Variants in HIVEP3 observed in about 807,000 individuals in gnomAD.
The protein encoded by HIVEP3 is HIVEP zinc finger 3.
A neutral mutation model predicts 152.8 loss-of-function variants in HIVEP3; 49 were observed. The ratio of observed to expected loss-of-function variants is 0.32; its 90% CI spans 0.26 to 0.41. HIVEP3 has a LOEUF of 0.41. Among genes scored for constraint, HIVEP3 ranks in the 10% least tolerant of loss-of-function variants. The probability of loss-of-function intolerance (pLI) is 1.00; values close to 1 mark genes in which losing one functional copy is unlikely to be tolerated. For synonymous variants in HIVEP3, 1,269 were observed against 1,289.0 expected (o/e 0.98, Z 0.33); for missense variants, 2,790 against 3,103.3 (o/e 0.90, Z 2.40).
Position 41,511,906 on chromosome 1 carries a change from G to A in HIVEP3, c.6406-640C>T, listed in dbSNP as rs116439989. 0.02 allele frequency among the ~76,000 whole-genome samples: 3,058 copies of A among 152,200 alleles called. 106 individuals carry two copies. Among genetic ancestry groups the A allele is most frequent in the African/African-American group, 0.071 (2,933 of 41,490 alleles). On this transcript the variant is annotated intron_variant, in intron 8 of 8. Transcript: ENST00000372583. The surrounding 1 kb of genome is among the most constrained non-coding windows in gnomAD (Gnocchi z 4.9). The stretch of plus-strand genomic sequence containing the variant: ...CTGTGCTCATGGGGTGGCAGCAGTG[G>A]TGTGTTGGTGCAATGGTGACAGTGG...
intron 1 of HIVEP3, among the ~76,000 whole-genome samples, chr1:41,811,183 A>G (rs112565612): frequency 3.3e-5 from 5 of 151,334 alleles, no homozygotes; most frequent in African/African-American, 1.2e-4. Context: ...GCTAGTGAAT[A>G]GTCTCCTGGG....
chr1:41,691,790 G>A (rs966052706), intron 2 of HIVEP3, among the ~76,000 whole-genome samples: 5 of 151,952 alleles, frequency 3.3e-5, no homozygotes, highest in African/African-American at 1.2e-4. Context: ...CATAGATTCT[G>A]TATTTGCAAA....
chr1:42,003,669 A>C (rs1645441569), intron 1 of HIVEP3, among the ~76,000 whole-genome samples: 1 of 152,196 alleles, frequency 6.6e-6, no homozygotes, highest in Non-Finnish European at 1.5e-5. Flanking sequence ...CATTGAGTTC[A>C]AGAACCTCCA....
At chr1:41,843,778 T>C (rs1643358291) in intron 1 of HIVEP3, among the ~76,000 whole-genome samples, 1 of 152,210 alleles carries the variant, frequency 6.6e-6, no homozygotes, top group Admixed American at 6.5e-5. Flanking sequence ...TATTATACTT[T>C]AAGTTTTAGG....
intron 2 of HIVEP3, among the ~76,000 whole-genome samples, chr1:41,661,501 C>T (rs561631962): frequency 6.6e-6 from 1 of 151,888 alleles, no homozygotes; most frequent in African/African-American, 2.4e-5. Context: ...CCACACCCTC[C>T]TGACCATGCC....
chr1:41,836,463 C>T (rs1570637020), intron 1 of HIVEP3, among the ~76,000 whole-genome samples: 2 of 152,296 alleles, frequency 1.3e-5, no homozygotes, highest in East Asian at 1.9e-4. Flanking sequence ...TTGGGCGTCA[C>T]AGGGCAACTT....
chr1:41,712,417 G>A (rs1416679913), intron 1 of HIVEP3, among the ~76,000 whole-genome samples: 1 of 152,246 alleles, frequency 6.6e-6, no homozygotes, highest in African/African-American at 2.4e-5. Flanking sequence ...TCTCCTGGCA[G>A]AGAAAGGCAG....
chr1:41,670,912 A>C (rs754152018), intron 2 of HIVEP3, among the ~76,000 whole-genome samples: 54 of 152,232 alleles, frequency 3.5e-4, no homozygotes, highest in Non-Finnish European at 7.1e-4. Context: ...AGAGGCCTCC[A>C]ACAGATTCTA....
chr1:41,573,020 T>G (rs1207432905), intron 5 of HIVEP3, among the ~76,000 whole-genome samples: 1 of 152,260 alleles, frequency 6.6e-6, no homozygotes, highest in African/African-American at 2.4e-5. Context: ...AGCAGAAGCT[T>G]CTGGGTGGAA....
At chr1:41,686,057 G>GTTTGT (rs776149209) in intron 2 of HIVEP3, among the ~76,000 whole-genome samples, 50 of 150,584 alleles carry the variant, frequency 3.3e-4, no homozygotes, top group Middle Eastern at 3.4e-3. Context: ...TTGTTTGTTT[G>GTTTGT]TTTGTTTTGT....
At chr1:41,607,098 T>C (rs1644832369) in intron 3 of HIVEP3, among the ~76,000 whole-genome samples, 2 of 152,116 alleles carry the variant, frequency 1.3e-5, no homozygotes, top group Admixed American at 1.3e-4. Context: ...TGCTGGATTA[T>C]AGGTGTGAGC....
chr1:41,574,280 G>A (rs577918903), intron 5 of HIVEP3, among the ~76,000 whole-genome samples: 11 of 152,282 alleles, frequency 7.2e-5, no homozygotes, highest in African/African-American at 2.4e-4. Flanking sequence ...ACACGAGGGC[G>A]CTCTAACCAA....
intron 2 of HIVEP3, 112 bp from the exon 3 acceptor site, chr1:41,629,059 G>T: frequency 1.4e-6 from 1 of 705,184 alleles, no homozygotes; most frequent in Non-Finnish European, 1.9e-6. Flanking sequence ...CTACTCCCAA[G>T]CAGCTTTACT....
intron 1 of HIVEP3, among the ~76,000 whole-genome samples, chr1:41,984,725 G>C (rs1199374719): frequency 6.6e-6 from 1 of 152,160 alleles, no homozygotes; most frequent in African/African-American, 2.4e-5. Context: ...AGATAACAGG[G>C]GGAAGGGCTA....
chr1:41,552,442 C>T (rs1444060802), intron 5 of HIVEP3, among the ~76,000 whole-genome samples: 2 of 147,078 alleles, frequency 1.4e-5, no homozygotes, highest in East Asian at 4.1e-4. Flanking sequence ...TGTTCAATTC[C>T]CACCTATGAG....
chr1:41,872,080 G>A (rs890749647), intron 1 of HIVEP3, among the ~76,000 whole-genome samples: 7 of 152,046 alleles, frequency 4.6e-5, no homozygotes, highest in Admixed American at 3.9e-4. Flanking sequence ...CTTCCATAAT[G>A]CCAGAAAGTT....
chr1:41,769,518 A>C (rs2124262182), intron 1 of HIVEP3, among the ~76,000 whole-genome samples: 1 of 152,328 alleles, frequency 6.6e-6, no homozygotes, highest in Middle Eastern at 3.4e-3. Flanking sequence ...CACTGATTCT[A>C]AGGCTAGGGC....
intron 2 of HIVEP3, among the ~76,000 whole-genome samples, chr1:41,699,222 G>A (rs748786610): frequency 1.3e-5 from 2 of 152,322 alleles, no homozygotes; most frequent in East Asian, 1.9e-4. Context: ...CTCTGGCACC[G>A]CTGCAGGAGG....
At chr1:41,914,339 T>G (rs568044994) in intron 1 of HIVEP3, among the ~76,000 whole-genome samples, 65 of 152,258 alleles carry the variant, frequency 4.3e-4, no homozygotes, top group African/African-American at 1.5e-3. Context: ...CTTTGGAGAG[T>G]TCTGAGTATT....
Sources: gnomAD v4.1 joint callset for allele counts (sites outside exome capture counted in the v4.1 genomes callset) on GRCh38, gnomAD v4.1.1 for gene constraint, Gnocchi (gnomAD v3.1) non-coding constraint, MANE v1.5 for transcripts, NCBI Gene and HGNC (gene_info 2026-07-23, HGNC 2026-07-21) for gene names.